ADGRL3: variants seen among roughly 807,000 people sequenced by gnomAD.
ADGRL3 encodes the protein adhesion G protein-coupled receptor L3.
In ADGRL3, 62 loss-of-function variants were observed where a neutral mutation model predicts 153.5. The observed-to-expected ratio is 0.40, with a 90% CI of 0.33 to 0.50. The LOEUF (loss-of-function observed/expected upper bound fraction) is 0.50. Ranked by LOEUF, ADGRL3 falls within the 20% of genes least tolerant of loss-of-function variation. The pLI is 0.47. For synonymous variants in ADGRL3, 710 were observed against 672.5 expected, an observed-to-expected ratio of 1.06 and a Z score of -0.86; for missense variants, 1,641 against 1,859.4, an observed-to-expected ratio of 0.88 and a Z score of 2.16.
chr4:61,740,389 G>T (rs141282102), intron 8 of ADGRL3, among the ~76,000 whole-genome samples: 2 of 152,018 alleles, frequency 1.3e-5, no homozygotes, highest in Admixed American at 6.5e-5. Context: ...GGTGGGAGGG[G>T]GTCAGATAGT....
intron 1 of ADGRL3, among the ~76,000 whole-genome samples, chr4:61,246,733 G>GTA: frequency 6.6e-6 from 1 of 151,534 alleles, no homozygotes; most frequent in African/African-American, 2.4e-5. Flanking sequence ...AATGAGGTGT[G>GTA]TATATATATT....
intron 1 of ADGRL3, among the ~76,000 whole-genome samples, chr4:61,346,347 CTGTCAGAAGTAGA>C (rs2095907106): frequency 7.7e-6 from 1 of 130,108 alleles, no homozygotes; most frequent in Non-Finnish European, 1.7e-5. Context: ...ACACACAGCT[CTGTCAGAAGTAGA>C]TGGCTTGTAT....
intron 6 of ADGRL3, among the ~76,000 whole-genome samples, chr4:61,702,159 G>C (rs1005095827): frequency 6.6e-6 from 1 of 152,050 alleles, no homozygotes; most frequent in Non-Finnish European, 1.5e-5. Context: ...GTCAAATTTC[G>C]TTCTGCTAAA....
At chr4:61,464,647 A>G (rs2097858938) in intron 2 of ADGRL3, among the ~76,000 whole-genome samples, 1 of 152,184 alleles carries the variant, frequency 6.6e-6, no homozygotes, top group South Asian at 2.1e-4. Flanking sequence ...CATAGTCTAT[A>G]TGACATAATA....
intron 5 of ADGRL3, among the ~76,000 whole-genome samples, chr4:61,597,623 G>A (rs1258795398): frequency 6.7e-6 from 1 of 149,414 alleles, no homozygotes; most frequent in African/African-American, 2.4e-5. Context: ...TAGTAACATT[G>A]ACTTTTTTAT....
In ADGRL3 at chr4:61,529,560, A is replaced by G. The variant is rs190872980; in HGVS notation, c.259+12042A>G. On this transcript the variant is annotated intron_variant, in intron 4 of 26. Coordinates refer to ENST00000683033, the MANE Select transcript of ADGRL3 (RefSeq NM_001387552.1). ...GCTACTTACAAAACTATGTAAATTGAAGTAAATTATTTTATATCTATAAGT... is the reference window on the plus strand; with the variant it reads ...GCTACTTACAAAACTATGTAAATTGGAGTAAATTATTTTATATCTATAAGT... 1.1e-4 allele frequency among the ~76,000 whole-genome samples: 17 copies of G among 152,266 alleles called. No individual in the cohort carries two copies. In the East Asian group the frequency reaches 1.7e-3, roughly 16 times the overall value.
intron 1 of ADGRL3, among the ~76,000 whole-genome samples, chr4:61,250,657 C>T (rs985917965): frequency 6.6e-5 from 10 of 152,192 alleles, no homozygotes; most frequent in African/African-American, 2.2e-4. Flanking sequence ...GATACTTATA[C>T]ATTAGTACAT....
intron 1 of ADGRL3, among the ~76,000 whole-genome samples, chr4:61,312,270 AACTC>A (rs1439586348): frequency 6.6e-6 from 1 of 152,196 alleles, no homozygotes; most frequent in Non-Finnish European, 1.5e-5. Flanking sequence ...TGCAAAAATT[AACTC>A]AAAGGTGGAT....
At chr4:61,953,405 T>C (rs1046414861) in intron 17 of ADGRL3, among the ~76,000 whole-genome samples, 5 of 152,224 alleles carry the variant, frequency 3.3e-5, no homozygotes, top group Non-Finnish European at 7.3e-5. Flanking sequence ...ACTGAATTGC[T>C]TTTATTTGTC....
chr4:62,038,875 C>G (rs1224198809), intron 24 of ADGRL3, among the ~76,000 whole-genome samples: 2 of 151,948 alleles, frequency 1.3e-5, no homozygotes, highest in Admixed American at 6.6e-5. Flanking sequence ...TCCCAAAGTG[C>G]TGGAATTATA....
At chr4:61,661,558 C>T (rs768624067) in intron 5 of ADGRL3, among the ~76,000 whole-genome samples, 1 of 151,550 alleles carries the variant, frequency 6.6e-6, no homozygotes, top group Admixed American at 6.6e-5. Context: ...TGTGGTTGTG[C>T]GTTATAAGAA....
intron 2 of ADGRL3, among the ~76,000 whole-genome samples, chr4:61,443,397 T>A (rs997367715): frequency 2.6e-5 from 4 of 152,188 alleles, no homozygotes; most frequent in African/African-American, 2.4e-5. Context: ...TCATTAACAA[T>A]GATATTTATT....
intron 2 of ADGRL3, among the ~76,000 whole-genome samples, chr4:61,392,720 A>G (rs778649047): frequency 7.4e-5 from 11 of 149,142 alleles, no homozygotes; most frequent in Non-Finnish European, 8.9e-5. Flanking sequence ...AAAGGAAAAT[A>G]AAGAAAGAGA....
chr4:61,893,428 A>C (rs892616430), intron 10 of ADGRL3, among the ~76,000 whole-genome samples: 6 of 151,954 alleles, frequency 3.9e-5, no homozygotes, highest in African/African-American at 1.5e-4. Context: ...TGGGAGTTAG[A>C]CTCATGCTTG....
chr4:61,552,386 G>T (rs2098744254), intron 4 of ADGRL3, among the ~76,000 whole-genome samples: 2 of 152,140 alleles, frequency 1.3e-5, no homozygotes, highest in African/African-American at 4.8e-5. Context: ...CACTGGGTGA[G>T]TACCACAAAA....
At chr4:61,461,260 T>A in intron 2 of ADGRL3, among the ~76,000 whole-genome samples, 1 of 152,124 alleles carries the variant, frequency 6.6e-6, no homozygotes, top group Admixed American at 6.6e-5. Flanking sequence ...TACCAGTTAG[T>A]ACCAACAAAC....
At chr4:61,848,201 C>G (rs1197434105) in intron 9 of ADGRL3, among the ~76,000 whole-genome samples, 1 of 143,234 alleles carries the variant, frequency 7.0e-6, no homozygotes, top group Non-Finnish European at 1.5e-5. Flanking sequence ...CGTAATAGTT[C>G]TAATTCTGAA....
chr4:61,947,653 A>G (rs185041912), intron 16 of ADGRL3, among the ~76,000 whole-genome samples: 1 of 152,308 alleles, frequency 6.6e-6, no homozygotes, highest in East Asian at 1.9e-4. Context: ...AGTACATTAA[A>G]CAGAACTAGA....
chr4:61,853,313 G>GAAAA (rs1441327653), intron 9 of ADGRL3, among the ~76,000 whole-genome samples: 6 of 152,100 alleles, frequency 3.9e-5, no homozygotes, highest in Non-Finnish European at 7.4e-5. Flanking sequence ...TAGGGTTTTA[G>GAAAA]GAGATCTATG....
Sources: gnomAD v4.1 joint callset for allele counts (sites outside exome capture counted in the v4.1 genomes callset) on GRCh38, gnomAD v4.1.1 for gene constraint, MANE v1.5 for transcripts, NCBI Gene and HGNC (gene_info 2026-07-23, HGNC 2026-07-21) for gene names.